Variants in AUTS2 observed in about 807,000 individuals in gnomAD.
AUTS2 encodes the protein activator of transcription and developmental regulator AUTS2, also known as autism susceptibility gene 2 protein.
Under a neutral mutation model 112.4 loss-of-function variants are expected in AUTS2, and 17 were observed. The observed-to-expected ratio is 0.15, with a 90% CI of 0.10 to 0.23. The LOEUF (loss-of-function observed/expected upper bound fraction) is 0.23. Ranked by LOEUF, AUTS2 falls within the 10% of genes least tolerant of loss-of-function variation. AUTS2 has a pLI of 1.00. For synonymous variants in AUTS2, 751 were observed against 702.7 expected, an observed-to-expected ratio of 1.07 and a Z score of -1.09; for missense variants, 1,510 against 1,701.6, an observed-to-expected ratio of 0.89 and a Z score of 1.98.
At chr7:70,270,862 C>T (rs1422036143) in intron 4 of AUTS2, among the ~76,000 whole-genome samples, 1 of 152,146 alleles carries the variant, frequency 6.6e-6, no homozygotes. Flanking sequence ...CCTGCCCTCT[C>T]CCCATGTTAA....
chr7:70,496,947 C>CCA (rs1798565267), intron 5 of AUTS2, among the ~76,000 whole-genome samples: 1 of 137,352 alleles, frequency 7.3e-6, no homozygotes. Flanking sequence ...CACGCACACC[C>CCA]CACACATGCA....
At chr7:69,951,818 G>T (rs944806118) in intron 2 of AUTS2, among the ~76,000 whole-genome samples, 1 of 152,130 alleles carries the variant, frequency 6.6e-6, no homozygotes, top group Non-Finnish European at 1.5e-5. Context: ...AAGAAAAAAG[G>T]TCAGTTATTT....
chr7:69,846,721 G>GTGC (rs1792217831), intron 1 of AUTS2, among the ~76,000 whole-genome samples: 1 of 152,092 alleles, frequency 6.6e-6, no homozygotes. Flanking sequence ...TTACAGGTGT[G>GTGC]TGCCACCATG....
At chr7:70,492,473 T>A (rs1798289103) in intron 5 of AUTS2, among the ~76,000 whole-genome samples, 2 of 152,174 alleles carry the variant, frequency 1.3e-5, no homozygotes, top group Admixed American at 1.3e-4. Context: ...CAGGCACTTG[T>A]GTTTTACTTT....
intron 2 of AUTS2, among the ~76,000 whole-genome samples, chr7:70,003,444 AATAT>A (rs1295422247): frequency 1.7e-4 from 15 of 90,768 alleles, no homozygotes; most frequent in African/African-American, 6.8e-4. Flanking sequence ...GTTATATATG[AATAT>A]ATATAATATA....
chr7:69,961,662 T>A (rs1797434397), intron 2 of AUTS2, among the ~76,000 whole-genome samples: 1 of 152,166 alleles, frequency 6.6e-6, no homozygotes, highest in Non-Finnish European at 1.5e-5. Context: ...GCCAATTTAT[T>A]TAGCTAGTTT....
chr7:70,324,577 A>G (rs927962552), intron 4 of AUTS2, among the ~76,000 whole-genome samples: 1 of 151,990 alleles, frequency 6.6e-6, no homozygotes, highest in Non-Finnish European at 1.5e-5. Flanking sequence ...GTAAACTGTG[A>G]CCATACCACT....
chr7:70,483,764 T>G (rs1797880529), intron 5 of AUTS2, among the ~76,000 whole-genome samples: 1 of 151,664 alleles, frequency 6.6e-6, no homozygotes, highest in South Asian at 2.1e-4. Context: ...TCAGCTCAGA[T>G]AGAGCCAGCT....
Position 69,979,867 on chromosome 7 carries a change from A to AT in AUTS2, c.522+80374dup, listed in dbSNP as rs562015407. On this transcript the variant is annotated intron_variant, in intron 2 of 18. Transcript: ENST00000342771. Reference sequence around the variant, plus strand: ...ATATTCGCCTTGTTTTTTAAATGCCATTTTTGCCATTTTTGGAGTTGGTTT... The same window carrying AT: ...ATATTCGCCTTGTTTTTTAAATGCCATTTTTTGCCATTTTTGGAGTTGGTTT... 1.7e-3 allele frequency among the ~76,000 whole-genome samples: 257 copies of AT among 152,228 alleles called. 2 individuals carry two copies. The highest frequency in any genetic ancestry group is 3.2e-3 in the Non-Finnish European group (218 of 67,998).
At chr7:70,016,777 C>T (rs1430804954) in intron 2 of AUTS2, among the ~76,000 whole-genome samples, 1 of 151,918 alleles carries the variant, frequency 6.6e-6, no homozygotes, top group Non-Finnish European at 1.5e-5. Flanking sequence ...AAGCAGTTCT[C>T]CTGTCTCAGC....
At chr7:69,721,693 G>A (rs768318488) in intron 1 of AUTS2, among the ~76,000 whole-genome samples, 8 of 152,214 alleles carry the variant, frequency 5.3e-5, no homozygotes, top group African/African-American at 1.9e-4. Context: ...AGTGCTGTGA[G>A]CTTTGAGAAA....
At chr7:70,187,714 A>G (rs1415486618) in intron 4 of AUTS2, among the ~76,000 whole-genome samples, 2 of 151,998 alleles carry the variant, frequency 1.3e-5, no homozygotes, top group Admixed American at 6.6e-5. Flanking sequence ...GACATCTACA[A>G]ATCAGTACAT....
At position 70,394,423 on chromosome 7, in the gene AUTS2, C is replaced by G. The variant is rs150364569; in HGVS notation, c.661-41329C>G. Among the ~76,000 whole-genome samples the G allele has an allele frequency of 1.4e-3, 219 of 152,334 alleles. 1 individual carries two copies. Among genetic ancestry groups the G allele is most frequent in the African/African-American group, 2.0e-3 (85 of 41,572 alleles). On this transcript the variant is annotated intron_variant, in intron 4 of 18. Coordinates refer to ENST00000342771, the MANE Select transcript of AUTS2 (RefSeq NM_015570.4). ...AAAGCCCAGGCTATTCAAAGATTAACTGGATTGCCTGGGCCTGATACGGTA... is the reference window on the plus strand; with the variant it reads ...AAAGCCCAGGCTATTCAAAGATTAAGTGGATTGCCTGGGCCTGATACGGTA...
At chr7:69,965,202 C>T (rs776125599) in intron 2 of AUTS2, among the ~76,000 whole-genome samples, 2 of 152,238 alleles carry the variant, frequency 1.3e-5, no homozygotes, top group East Asian at 3.9e-4. Flanking sequence ...CCCACTGTCC[C>T]CACGGCTATA....
intron 4 of AUTS2, among the ~76,000 whole-genome samples, chr7:70,183,524 CAGT>C (rs1809435461): frequency 6.6e-6 from 1 of 152,206 alleles, no homozygotes; most frequent in Admixed American, 6.5e-5. Context: ...CCCTGGACGG[CAGT>C]AACTTGTGCA....
intron 2 of AUTS2, among the ~76,000 whole-genome samples, chr7:70,033,675 C>T (rs1800878116): frequency 6.6e-6 from 1 of 152,122 alleles, no homozygotes; most frequent in African/African-American, 2.4e-5. Context: ...CAAAAAGAAT[C>T]TTCTGCATTA....
chr7:70,695,189 G>C (rs1048496690), intron 5 of AUTS2: 5 of 152,348 alleles, frequency 3.3e-5, no homozygotes, highest in African/African-American at 1.2e-4. Context: ...GCGCGCCCAA[G>C]CGCCCCTTCG....
At chr7:70,461,830 C>T (rs987998620) in intron 5 of AUTS2, among the ~76,000 whole-genome samples, 3 of 152,020 alleles carry the variant, frequency 2.0e-5, no homozygotes, top group Non-Finnish European at 2.9e-5. Flanking sequence ...TGGAGGTGGG[C>T]GTGGGTTGTC....
chr7:69,866,021 CTGTTA>C (rs747639771), intron 1 of AUTS2, among the ~76,000 whole-genome samples: 3 of 152,120 alleles, frequency 2.0e-5, no homozygotes, highest in Non-Finnish European at 2.9e-5. Context: ...TTTTTCTTGT[CTGTTA>C]TAAGTCCTTT....
Sources: allele counts gnomAD v4.1 joint callset (sites outside exome capture counted in the v4.1 genomes callset), GRCh38; gene constraint gnomAD v4.1.1; transcripts MANE v1.5; gene names NCBI Gene and HGNC (gene_info 2026-07-23, HGNC 2026-07-21).